PDE11A: variants seen among roughly 807,000 people sequenced by gnomAD.
PDE11A encodes phosphodiesterase 11A.
In PDE11A, 100 loss-of-function variants were observed where a neutral mutation model predicts 100.5. That is an observed-to-expected ratio of 1.00 (90% CI 0.85 to 1.18). The LOEUF is 1.18. Ranked by LOEUF, PDE11A falls within the 50% of genes most tolerant of loss-of-function variation. The pLI is 0.00. For missense variants in PDE11A, 1,141 were observed against 1,152.6 expected (o/e 0.99, Z 0.15); for synonymous variants, 381 against 420.8 (o/e 0.91, Z 1.16).
chr2:177,682,344 C>T (rs1461734817), intron 15 of PDE11A, among the ~76,000 whole-genome samples: 2 of 152,192 alleles, frequency 1.3e-5, no homozygotes. Context: ...AAGCTGTAGC[C>T]CAGCCGCCTT....
chr2:177,861,452 A>C (rs923790977), intron 5 of PDE11A, among the ~76,000 whole-genome samples: 1 of 151,862 alleles, frequency 6.6e-6, no homozygotes, highest in South Asian at 2.1e-4. Flanking sequence ...AAGACAACTT[A>C]TATACAGGAG....
intron 2 of PDE11A, among the ~76,000 whole-genome samples, chr2:177,992,644 A>G (rs988994703): frequency 6.6e-6 from 1 of 152,190 alleles, no homozygotes; most frequent in Non-Finnish European, 1.5e-5. Flanking sequence ...ATCAATGGTC[A>G]TCAGAAGATA....
At chr2:177,670,074 G>A (rs56403715) in intron 17 of PDE11A, among the ~76,000 whole-genome samples, 10,223 of 152,130 alleles carry the variant, frequency 0.067, 971 homozygotes, top group African/African-American at 0.21. Context: ...ACTCTGGGAG[G>A]GATAACCCCA....
At chr2:178,018,118 T>G in intron 1 of PDE11A, 1 of 246,220 alleles carries the variant, frequency 4.1e-6, no homozygotes, top group Non-Finnish European at 8.1e-6. Flanking sequence ...TACCCCAGGA[T>G]GGTGTGGAGC....
At chr2:177,802,675 G>A (rs555708941) in intron 9 of PDE11A, among the ~76,000 whole-genome samples, 3 of 152,114 alleles carry the variant, frequency 2.0e-5, no homozygotes, top group Admixed American at 6.6e-5. Flanking sequence ...CAGAACACTG[G>A]TTGTGTCTGG....
intron 2 of PDE11A, among the ~76,000 whole-genome samples, chr2:177,989,180 T>C (rs1360409961): frequency 1.3e-5 from 2 of 152,258 alleles, no homozygotes; most frequent in Non-Finnish European, 2.9e-5. Flanking sequence ...TTAGTGCCTC[T>C]ATTACATCAG....
rs529442815 is a variant in PDE11A at position 177,751,293 on chromosome 2, A to ATTTTCAGCAGGAAGGGACAGGC, written c.1788+18008_1788+18029dup. 6.4e-3 allele frequency among the ~76,000 whole-genome samples: 970 copies of ATTTTCAGCAGGAAGGGACAGGC among 152,098 alleles called. 4 individuals carry two copies. Among genetic ancestry groups the ATTTTCAGCAGGAAGGGACAGGC allele is most frequent in the Admixed American group, 0.011 (169 of 15,274 alleles). On this transcript the variant is annotated intron_variant, in intron 10 of 19. Transcript: ENST00000286063. ...CACTTCCTTCTCCTTGGTGGTTGTCATTTTCAGCAGGAAGGGACAGGCTGC... is the reference window on the plus strand; with the variant it reads ...CACTTCCTTCTCCTTGGTGGTTGTCATTTTCAGCAGGAAGGGACAGGCTTTTCAGCAGGAAGGGACAGGCTGC...
intron 6 of PDE11A, among the ~76,000 whole-genome samples, chr2:177,828,108 C>T (rs1040960085): frequency 9.9e-5 from 15 of 152,136 alleles, no homozygotes; most frequent in South Asian, 4.2e-4. Context: ...TTTAGAATAT[C>T]TTTAAAATTT....
intron 1 of PDE11A, among the ~76,000 whole-genome samples, chr2:178,046,072 T>G (rs1467791140): frequency 6.6e-6 from 1 of 152,218 alleles, no homozygotes; most frequent in Non-Finnish European, 1.5e-5. Flanking sequence ...TCTAGCTTCC[T>G]CACATGTAAA....
At chr2:177,675,366 G>T (rs1037880891) in intron 17 of PDE11A, 89 bp downstream of exon 17, 5 of 927,930 alleles carry the variant, frequency 5.4e-6, no homozygotes, top group Non-Finnish European at 8.9e-6. Context: ...GGGTTTCAGT[G>T]CCTGGTAGTC....
intron 10 of PDE11A, among the ~76,000 whole-genome samples, chr2:177,737,420 T>TAAACACACACACACAC (rs1553543764): frequency 9.1e-6 from 1 of 110,434 alleles, no homozygotes. Flanking sequence ...CTACTAAAAA[T>TAAACACACACACACAC]ACACACACAC....
intron 1 of PDE11A, among the ~76,000 whole-genome samples, chr2:178,049,327 T>C (rs1344312513): frequency 3.9e-5 from 6 of 152,166 alleles, no homozygotes; most frequent in Non-Finnish European, 7.3e-5. Flanking sequence ...TAATCAAAGA[T>C]AAGACCTAGG....
chr2:177,919,689 G>C (rs939742503), intron 2 of PDE11A, among the ~76,000 whole-genome samples: 56 of 151,704 alleles, frequency 3.7e-4, no homozygotes, highest in African/African-American at 1.2e-3. Context: ...TCAATAAAAA[G>C]ATATTGAATC....
chr2:177,740,074 C>G (rs979317345), intron 10 of PDE11A, among the ~76,000 whole-genome samples: 3 of 152,184 alleles, frequency 2.0e-5, no homozygotes, highest in Non-Finnish European at 4.4e-5. Flanking sequence ...TTTGACTTCT[C>G]TCAGATATTT....
intron 3 of PDE11A, 127 bp from the exon 4 acceptor site, chr2:177,898,325 A>T (rs532292003): frequency 1.9e-5 from 13 of 674,160 alleles, no homozygotes; most frequent in African/African-American, 7.3e-5. Context: ...ATTTTAAAAA[A>T]TTTTATGATT....
At chr2:177,915,243 G>A (rs1309720236) in intron 2 of PDE11A, among the ~76,000 whole-genome samples, 1 of 152,126 alleles carries the variant, frequency 6.6e-6, no homozygotes, top group Non-Finnish European at 1.5e-5. Context: ...TTCACTCTTT[G>A]TGTCACACAT....
chr2:177,765,626 T>C (rs1301474936), intron 10 of PDE11A, among the ~76,000 whole-genome samples: 2 of 152,182 alleles, frequency 1.3e-5, no homozygotes, highest in African/African-American at 4.8e-5. Flanking sequence ...CACTGACCCA[T>C]TCTATCGGGA....
chr2:177,743,521 G>A (rs1165360176), intron 10 of PDE11A, among the ~76,000 whole-genome samples: 1 of 152,204 alleles, frequency 6.6e-6, no homozygotes, highest in Non-Finnish European at 1.5e-5. Context: ...CAGATAAAAG[G>A]GTACAGGGTA....
At chr2:177,826,741 T>C (rs1417760938) in intron 6 of PDE11A, among the ~76,000 whole-genome samples, 1 of 152,216 alleles carries the variant, frequency 6.6e-6, no homozygotes, top group Non-Finnish European at 1.5e-5. Flanking sequence ...CTATATTTTA[T>C]TTAAGTCTTA....
Sources: allele counts gnomAD v4.1 joint callset (sites outside exome capture counted in the v4.1 genomes callset), GRCh38; gene constraint gnomAD v4.1.1; transcripts MANE v1.5; gene names NCBI Gene and HGNC (gene_info 2026-07-23, HGNC 2026-07-21).